Variants in YBEY observed in about 807,000 individuals in gnomAD.
The protein encoded by YBEY is endoribonuclease YbeY.
Under a neutral mutation model 13.5 loss-of-function variants are expected in YBEY, and 15 were observed. That is an observed-to-expected ratio of 1.11 (90% CI 0.75 to 1.72). The LOEUF is 1.72. Among genes scored for constraint, YBEY ranks in the 40% most tolerant of loss-of-function variants. YBEY has a pLI of 0.00. For missense variants in YBEY, 244 were observed against 208.4 expected, an observed-to-expected ratio of 1.17 and a Z score of -1.05; for synonymous variants, 101 against 83.1, an observed-to-expected ratio of 1.21 and a Z score of -1.17.
chr21:46,312,897 A>G, the YBEY span: 1 of 623,526 alleles, frequency 1.6e-6, no homozygotes, highest in Non-Finnish European at 2.0e-6. Flanking sequence ...ACTGTAGTAC[A>G]TATATAGAAC....
chr21:46,302,374 A>C (rs2082145022), downstream of YBEY: 3 of 1,089,264 alleles, frequency 2.8e-6, no homozygotes, highest in Non-Finnish European at 4.0e-6. Flanking sequence ...CAGACTGTAG[A>C]CCTGAGCCAG....
At chr21:46,301,920 C>A, downstream of YBEY, 5 of 1,390,996 alleles carry the variant, frequency 3.6e-6, no homozygotes, top group Non-Finnish European at 4.6e-6. Flanking sequence ...TGCTCCCTTC[C>A]ATAGTCCCGC....
downstream of YBEY, among the ~76,000 whole-genome samples, chr21:46,298,134 G>C (rs534935004): frequency 1.3e-5 from 2 of 152,366 alleles, no homozygotes; most frequent in African/African-American, 4.8e-5. Flanking sequence ...CAGGGCCACG[G>C]CGAGGCCGCC....
chr21:46,311,667 C>A, the YBEY span: 1 of 569,396 alleles, frequency 1.8e-6, no homozygotes, highest in South Asian at 3.0e-5. Context: ...AACCAACCAA[C>A]CAACCAACCA....
the YBEY span, chr21:46,311,617 G>T: frequency 8.7e-7 from 1 of 1,149,888 alleles, no homozygotes; most frequent in Non-Finnish European, 1.3e-6. Context: ...TGAAGAAAGT[G>T]TCTCCAGTAT....
the YBEY span, among the ~76,000 whole-genome samples, chr21:46,304,183 C>G: frequency 6.6e-6 from 1 of 150,786 alleles, no homozygotes; most frequent in East Asian, 2.0e-4. Context: ...CCCGCCACCA[C>G]GCCCGGCTAA....
intron 4 of YBEY, among the ~76,000 whole-genome samples, chr21:46,296,709 G>A (rs1266344164): frequency 6.6e-6 from 1 of 152,124 alleles, no homozygotes; most frequent in Non-Finnish European, 1.5e-5. Flanking sequence ...AAAAGAAAAA[G>A]TTTGGCCGGG....
downstream of YBEY, chr21:46,302,475 C>A (rs148794865): frequency 4.4e-6 from 7 of 1,594,142 alleles, no homozygotes; most frequent in Non-Finnish European, 6.0e-6. Flanking sequence ...CTGCTGGGGG[C>A]TAAGCCTACC....
At chr21:46,310,054 G>A in the YBEY span, among the ~76,000 whole-genome samples, 15 of 152,006 alleles carry the variant, frequency 9.9e-5, no homozygotes, top group East Asian at 1.9e-4. Context: ...ACATAGTGAC[G>A]GAAAGCTGCT....
In YBEY at chr21:46,296,152, A is replaced by G; in HGVS notation, c.340-10A>G. On this transcript the variant is annotated splice_polypyrimidine_tract_variant and intron_variant, in intron 3 of 4. Coordinates refer to ENST00000397701, the MANE Select transcript of YBEY (RefSeq NM_001314025.2). The stretch of plus-strand genomic sequence containing the variant: ...TCATCCTCTGAGCCGGTTTAAAATT[A>G]TTCTGACAGGTGACGGCCACCCACG... The G allele has an allele frequency of 1.2e-6, 2 of 1,613,708 alleles. No homozygotes were observed. Among genetic ancestry groups the G allele is most frequent in the South Asian group, 2.2e-5 (2 of 91,088 alleles).
intron 2 of YBEY, among the ~76,000 whole-genome samples, chr21:46,289,378 T>C (rs1175833475): frequency 6.6e-6 from 1 of 151,640 alleles, no homozygotes; most frequent in Non-Finnish European, 1.5e-5. Flanking sequence ...TGAAAATACA[T>C]GCCACATGCC....
chr21:46,295,217 G>C (rs2081910679), intron 3 of YBEY, among the ~76,000 whole-genome samples: 1 of 152,050 alleles, frequency 6.6e-6, no homozygotes, highest in Non-Finnish European at 1.5e-5. Flanking sequence ...ACCCTGAGGG[G>C]AGGGCCAGCC....
chr21:46,301,109 A>G, downstream of YBEY: 1 of 1,005,886 alleles, frequency 9.9e-7, no homozygotes, highest in Non-Finnish European at 1.2e-6. Context: ...TTAACTCAAA[A>G]GGGATCACGT....
At chr21:46,310,037 AACT>A in the YBEY span, among the ~76,000 whole-genome samples, 1 of 152,104 alleles carries the variant, frequency 6.6e-6, no homozygotes, top group African/African-American at 2.4e-5. Context: ...AGAAAATTCA[AACT>A]ACTACATAGT....
chr21:46,291,864 G>A (rs1200342761), intron 3 of YBEY: 2 of 1,039,302 alleles, frequency 1.9e-6, no homozygotes, highest in Non-Finnish European at 2.3e-6. Flanking sequence ...CCTGCCCACT[G>A]CACAGACAAA....
In YBEY at chr21:46,297,668, G is replaced by C. The variant is rs896998107; in HGVS notation, c.*34G>C. The C allele has an allele frequency of 7.0e-6, 9 of 1,282,968 alleles. No homozygotes were observed. The African/African-American group carries it at 1.4e-4, about 20-fold the overall frequency. 79.5% of individuals were successfully genotyped at this position (1,282,968 alleles called of 1,614,324 possible). A position where few individuals can be genotyped will look rare whatever the true frequency, so the allele number is the denominator to read the frequency against. ...TTCCTTCTGAAAGCGGGACGCGGGA[G>C]GGGTGGAGGCTGCGGGGAGCCGGGG... On this transcript the variant is annotated 3_prime_UTR_variant, in exon 5 of 5. Coordinates refer to ENST00000397701, the MANE Select transcript of YBEY (RefSeq NM_001314025.2).
At position 46,289,453 on chromosome 21, in the gene YBEY, T is replaced by G. The variant is rs537970336; in HGVS notation, c.211-1881T>G. Among the ~76,000 whole-genome samples the G allele has an allele frequency of 9.0e-4, 125 of 139,202 alleles. 1 individual carries two copies. The highest frequency in any genetic ancestry group is 3.0e-3 in the African/African-American group (117 of 38,872). The allele number at this position is 139,202 out of a possible 152,430, so 91.3% of individuals were successfully genotyped here. A position where few individuals can be genotyped will look rare whatever the true frequency, so the allele number is the denominator to read the frequency against. ...AAGGAAGGCAAGGGTTTTGTTTTTT[T>G]TTTTTTTTTTGAGACGGAGGCTTGC... On this transcript the variant is annotated intron_variant, in intron 2 of 4. Transcript: ENST00000397701.
intron 3 of YBEY, chr21:46,291,851 C>T: frequency 2.8e-6 from 3 of 1,056,632 alleles, no homozygotes; most frequent in Non-Finnish European, 3.4e-6. Flanking sequence ...CCTATGGGTT[C>T]TTCCTGCCCA....
the YBEY span, among the ~76,000 whole-genome samples, chr21:46,303,737 ATATATATATTTTTT>A: frequency 1.2e-3 from 37 of 30,174 alleles, no homozygotes; most frequent in East Asian, 1.7e-3. Context: ...ATATATATAT[ATATATATATTTTTT>A]TTTTTTTTTT....
Sources: allele counts gnomAD v4.1 joint callset (sites outside exome capture counted in the v4.1 genomes callset), GRCh38; gene constraint gnomAD v4.1.1; transcripts MANE v1.5; gene names NCBI Gene and HGNC (gene_info 2026-07-23, HGNC 2026-07-21).